Variants in CEP63 observed in about 807,000 individuals in gnomAD.
CEP63 encodes centrosomal protein of 63 kDa.
Under a neutral mutation model 89.1 loss-of-function variants are expected in CEP63, and 84 were observed. The observed-to-expected ratio is 0.94, with a 90% CI of 0.79 to 1.13. CEP63 has a LOEUF of 1.13. Among genes scored for constraint, CEP63 ranks in the 50% most tolerant of loss-of-function variants. The pLI, the probability that CEP63 is intolerant of heterozygous loss-of-function variation, is 0.00. For missense variants in CEP63, 838 were observed against 813.3 expected (o/e 1.03, Z -0.37); for synonymous variants, 267 against 272.5 (o/e 0.98, Z 0.20).
At chr3:134,486,606 TTCC>T in intron 1 of CEP63, 1 of 108,218 alleles carries the variant, frequency 9.2e-6, no homozygotes, top group African/African-American at 6.4e-5. Context: ...CGGACCCACC[TTCC>T]TTTTCAGCGG....
chr3:134,648,565 T>C, the CEP63 span, among the ~76,000 whole-genome samples: 84 of 152,188 alleles, frequency 5.5e-4, no homozygotes, highest in Non-Finnish European at 4.6e-4. Flanking sequence ...CAGGCACGTT[T>C]TGGAGAAGCA....
chr3:134,582,150 A>T (rs1958371984), intron 10 of CEP63, among the ~76,000 whole-genome samples: 1 of 152,134 alleles, frequency 6.6e-6, no homozygotes, highest in Non-Finnish European at 1.5e-5. Context: ...CAGAAATAGA[A>T]GGAAAAGGAA....
the CEP63 span, among the ~76,000 whole-genome samples, chr3:134,621,393 A>G: frequency 2.0e-5 from 3 of 152,244 alleles, no homozygotes; most frequent in Non-Finnish European, 4.4e-5. Context: ...AATACAACTG[A>G]GAGTCCAGAA....
At chr3:134,554,406 C>CATG (rs1221996058) in intron 12 of CEP63, among the ~76,000 whole-genome samples, 2 of 147,606 alleles carry the variant, frequency 1.4e-5, no homozygotes, top group African/African-American at 5.0e-5. Context: ...CTACAAAGGA[C>CATG]ATGAACTCAT....
At chr3:134,581,416 C>T (rs1271663823) in intron 10 of CEP63, among the ~76,000 whole-genome samples, 2 of 151,918 alleles carry the variant, frequency 1.3e-5, no homozygotes, top group Non-Finnish European at 2.9e-5. Context: ...CCTGTCTCTA[C>T]TAAAAAATAC....
chr3:134,606,554 C>T, the CEP63 span, among the ~76,000 whole-genome samples: 1 of 152,298 alleles, frequency 6.6e-6, no homozygotes, highest in African/African-American at 2.4e-5. Flanking sequence ...CTAGCCCTGG[C>T]TGTCCTTCAG....
intron 10 of CEP63, among the ~76,000 whole-genome samples, chr3:134,587,372 G>C (rs1290280358): frequency 6.6e-6 from 1 of 152,118 alleles, no homozygotes; most frequent in African/African-American, 2.4e-5. Flanking sequence ...CTACATATGG[G>C]GTTTTGGTGT....
At chr3:134,671,721 T>G in the CEP63 span, among the ~76,000 whole-genome samples, 6 of 152,118 alleles carry the variant, frequency 3.9e-5, no homozygotes, top group Non-Finnish European at 7.4e-5. Flanking sequence ...CTGGGTACAG[T>G]GAACAAATGC....
chr3:134,541,878 ATT>A (rs1033690339), intron 6 of CEP63, among the ~76,000 whole-genome samples: 9 of 152,194 alleles, frequency 5.9e-5, no homozygotes, highest in Non-Finnish European at 1.2e-4. Context: ...AATGTATTTT[ATT>A]AAAAAGTACA....
the CEP63 span, among the ~76,000 whole-genome samples, chr3:134,662,750 G>C: frequency 6.6e-6 from 1 of 152,236 alleles, no homozygotes; most frequent in East Asian, 1.9e-4. Context: ...GATAGCGTCT[G>C]GGCTGTGCTG....
chr3:134,489,930 A>G (rs1937044021), intron 1 of CEP63, among the ~76,000 whole-genome samples: 1 of 152,172 alleles, frequency 6.6e-6, no homozygotes, highest in Non-Finnish European at 1.5e-5. Context: ...ATCTTTGGCC[A>G]GTGGGAGCTC....
At chr3:134,630,087 C>T in the CEP63 span, among the ~76,000 whole-genome samples, 2 of 152,186 alleles carry the variant, frequency 1.3e-5, no homozygotes, top group African/African-American at 2.4e-5. Flanking sequence ...CTAGACTGGA[C>T]TTAAAGGCAT....
chr3:134,658,334 C>T, the CEP63 span, among the ~76,000 whole-genome samples: 1 of 151,942 alleles, frequency 6.6e-6, no homozygotes, highest in Admixed American at 6.6e-5. Context: ...TTCCTTTTTC[C>T]TAGTTTAGTG....
the CEP63 span, among the ~76,000 whole-genome samples, chr3:134,681,477 A>C: frequency 6.6e-6 from 1 of 152,212 alleles, no homozygotes; most frequent in Non-Finnish European, 1.5e-5. Context: ...ATGTGTGGTC[A>C]TGTTGACCTA....
downstream of CEP63, among the ~76,000 whole-genome samples, chr3:134,565,797 G>A (rs1534028): frequency 6.6e-6 from 1 of 151,224 alleles, no homozygotes; most frequent in Non-Finnish European, 1.5e-5. Flanking sequence ...AAAAATCATA[G>A]ACTTAAGAAA....
At chr3:134,741,447 T>C in the CEP63 span, among the ~76,000 whole-genome samples, 1 of 152,116 alleles carries the variant, frequency 6.6e-6, no homozygotes, top group Non-Finnish European at 1.5e-5. Context: ...CCGGTCAGTC[T>C]CCCTCACACA....
chr3:134,546,655 C>T (rs1433744470), intron 8 of CEP63, among the ~76,000 whole-genome samples: 1 of 152,196 alleles, frequency 6.6e-6, no homozygotes, highest in African/African-American at 2.4e-5. Flanking sequence ...CCACGCCCAT[C>T]CAAGCACTAG....
At chr3:134,751,694 C>G in the CEP63 span, among the ~76,000 whole-genome samples, 2 of 152,120 alleles carry the variant, frequency 1.3e-5, no homozygotes, top group Non-Finnish European at 2.9e-5. Context: ...GTATGTTTAT[C>G]TGCAACCACA....
At chr3:134,494,275 C>T (rs1400172459) in intron 1 of CEP63, among the ~76,000 whole-genome samples, 2 of 151,650 alleles carry the variant, frequency 1.3e-5, no homozygotes, top group East Asian at 1.9e-4. Flanking sequence ...CCACCATGCC[C>T]AGCTAATTTT....
Sources: gnomAD v4.1 joint callset for allele counts (sites outside exome capture counted in the v4.1 genomes callset) on GRCh38, gnomAD v4.1.1 for gene constraint, MANE v1.5 for transcripts, NCBI Gene and HGNC (gene_info 2026-07-23, HGNC 2026-07-21) for gene names.